The following LEPR variants were observed in gnomAD, a reference collection of about 807,000 sequenced individuals.
The protein encoded by LEPR is leptin receptor, also known as OB receptor.
LEPR carries 56 observed loss-of-function variants against 114.7 expected under a neutral mutation model. The observed-to-expected ratio is 0.49, with a 90% CI of 0.39 to 0.61. The LOEUF (loss-of-function observed/expected upper bound fraction) is 0.61. Ranked by LOEUF, LEPR falls within the 20% of genes least tolerant of loss-of-function variation. The pLI, the probability that LEPR is intolerant of heterozygous loss-of-function variation, is 0.00. For missense variants in LEPR, 1,202 were observed against 1,352.9 expected, an observed-to-expected ratio of 0.89 and a Z score of 1.75; for synonymous variants, 443 against 461.4, an observed-to-expected ratio of 0.96 and a Z score of 0.51.
chr1:65,453,881 G>A (rs1440983796), intron 2 of LEPR, among the ~76,000 whole-genome samples: 5 of 151,424 alleles, frequency 3.3e-5, no homozygotes, highest in Non-Finnish European at 7.4e-5. Context: ...TGACAGTGGG[G>A]TGTTAAAGTC....
At chr1:65,616,366 T>C in intron 15 of LEPR, 142 bp downstream of exon 15, 1 of 904,266 alleles carries the variant, frequency 1.1e-6, no homozygotes, top group South Asian at 1.6e-5. Context: ...TTCCTTTGTC[T>C]GGAAAAATAA....
intron 2 of LEPR, among the ~76,000 whole-genome samples, chr1:65,525,414 G>C (rs371882888): frequency 6.6e-6 from 1 of 152,114 alleles, no homozygotes; most frequent in African/African-American, 2.4e-5. Flanking sequence ...GCCTCCCTGC[G>C]GGCAGGGGTC....
At chr1:65,440,684 TGGAG>T (rs1461781111) in intron 2 of LEPR, among the ~76,000 whole-genome samples, 1 of 150,610 alleles carries the variant, frequency 6.6e-6, no homozygotes, top group East Asian at 2.0e-4. Context: ...TCAGGGAGAG[TGGAG>T]GGAGATAAGA....
chr1:65,623,843 C>T (rs974181516), intron 19 of LEPR, among the ~76,000 whole-genome samples: 7 of 152,254 alleles, frequency 4.6e-5, no homozygotes, highest in Middle Eastern at 3.4e-3. Flanking sequence ...CCTACCTATA[C>T]GACTTTTTCT....
chr1:65,592,347 A>G (rs1250377905), intron 5 of LEPR, among the ~76,000 whole-genome samples: 1 of 151,164 alleles, frequency 6.6e-6, no homozygotes, highest in Non-Finnish European at 1.5e-5. Flanking sequence ...ATGTCTGAAA[A>G]AAAAAGCCTT....
intron 14 of LEPR, 39 bp downstream of exon 14, chr1:65,610,335 T>C: frequency 3.3e-6 from 5 of 1,514,464 alleles, no homozygotes; most frequent in Non-Finnish European, 4.5e-6. Flanking sequence ...ATTGTATTTT[T>C]ATACTCTTAA....
At chr1:65,564,088 G>C (rs1173367236) in intron 2 of LEPR, among the ~76,000 whole-genome samples, 455 of 129,362 alleles carry the variant, frequency 3.5e-3, no homozygotes, top group African/African-American at 6.3e-3. Flanking sequence ...CCACCCAGTT[G>C]GAGCTTCCCG....
Position 65,467,827 on chromosome 1 carries a change from G to A in LEPR, c.-21+42449G>A, listed in dbSNP as rs572621584. Among the ~76,000 whole-genome samples, 9 of 152,354 alleles carry A rather than the reference G, an allele frequency of 5.9e-5. No individual in the cohort carries two copies. In the South Asian group the frequency reaches 1.7e-3, roughly 28 times the overall value. On this transcript the variant is annotated intron_variant, in intron 2 of 19. Transcript: ENST00000349533. ...ACTAGCAGTGAGCAAGGCTCCATGGGTGTGGGACCTGCTGAGCCAGGCACA... is the reference window on the plus strand; with the variant it reads ...ACTAGCAGTGAGCAAGGCTCCATGGATGTGGGACCTGCTGAGCCAGGCACA...
At chr1:65,577,811 CT>C (rs879736849) in intron 5 of LEPR, 55 of 144,354 alleles carry the variant, frequency 3.8e-4, no homozygotes, top group Non-Finnish European at 3.8e-4. Context: ...TGAGCACATT[CT>C]TTTTTTTTTT....
rs1009659803 is a variant in LEPR at position 65,613,645 on chromosome 1, C to G, written c.1996-2363C>G. Among the ~76,000 whole-genome samples the G allele has an allele frequency of 3.6e-4, 45 of 126,442 alleles. 7 individuals carry two copies. Among genetic ancestry groups the G allele is most frequent in the African/African-American group, 1.2e-3 (43 of 35,360 alleles). 83.0% of individuals were successfully genotyped at this position (126,442 alleles called of 152,430 possible). A position where few individuals can be genotyped will look rare whatever the true frequency, so the allele number is the denominator to read the frequency against. ...GCGGGCGCCTGTAGTCCCAGCTACT[C>G]GGGAGGCTGAGGCAGGAGAATGGCG... On this transcript the variant is annotated intron_variant, in intron 14 of 19. Coordinates refer to ENST00000349533, the MANE Select transcript of LEPR (RefSeq NM_002303.6).
chr1:65,556,698 G>A (rs1393310383), intron 2 of LEPR, among the ~76,000 whole-genome samples: 1 of 152,108 alleles, frequency 6.6e-6, no homozygotes, highest in Non-Finnish European at 1.5e-5. Flanking sequence ...TTTTGTGCAT[G>A]TTGGCATGGG....
chr1:65,637,163 G>A lies in LEPR; in HGVS notation c.*148G>A. 1.2e-5 allele frequency: 11 copies of A among 929,804 alleles called. No homozygotes were observed. Among genetic ancestry groups the A allele is most frequent in the Non-Finnish European group, 1.7e-5 (11 of 646,388 alleles). The allele number at this position is 929,804 out of a possible 1,614,324, so 57.6% of individuals were successfully genotyped here. A position where few individuals can be genotyped will look rare whatever the true frequency, so the allele number is the denominator to read the frequency against. On this transcript the variant is annotated 3_prime_UTR_variant, in exon 20 of 20. Coordinates refer to ENST00000349533, the MANE Select transcript of LEPR (RefSeq NM_002303.6). ...AATGTTGTCTGTTTGTTCTCTCTTA[G>A]TAACATAGACAAAAAATTTGAGAAA...
chr1:65,569,917 A>T (rs1570718314), intron 3 of LEPR, among the ~76,000 whole-genome samples: 4 of 151,346 alleles, frequency 2.6e-5, no homozygotes, highest in Admixed American at 2.6e-4. Flanking sequence ...TTGTATTTGG[A>T]GGATCATGGG....
intron 2 of LEPR, among the ~76,000 whole-genome samples, chr1:65,520,639 C>A (rs899278760): frequency 2.0e-5 from 3 of 150,680 alleles, no homozygotes; most frequent in Non-Finnish European, 4.4e-5. Flanking sequence ...AAGACACACA[C>A]ACAGAAATAT....
rs543206790 is a variant in LEPR at position 65,524,083 on chromosome 1, C to T, written c.-20-41463C>T. Among the ~76,000 whole-genome samples, 5 of 152,324 alleles carry T rather than the reference C, an allele frequency of 3.3e-5. No individual in the cohort carries two copies. In the East Asian group the frequency reaches 9.6e-4, roughly 29 times the overall value. Reference sequence around the variant, plus strand: ...TTGGGAGCCAGTACACACCTGCTGACACCTTGATTTTGGAATTTTAGTCTC... The same window carrying T: ...TTGGGAGCCAGTACACACCTGCTGATACCTTGATTTTGGAATTTTAGTCTC... On this transcript the variant is annotated intron_variant, in intron 2 of 19. Transcript: ENST00000349533.
At chr1:65,554,198 G>C (rs1652644444) in intron 2 of LEPR, among the ~76,000 whole-genome samples, 1 of 152,190 alleles carries the variant, frequency 6.6e-6, no homozygotes, top group South Asian at 2.1e-4. Context: ...GAACCCATTT[G>C]AGGAGGCAGC....
chr1:65,553,599 CT>C (rs770857801), intron 2 of LEPR, among the ~76,000 whole-genome samples: 1 of 152,044 alleles, frequency 6.6e-6, no homozygotes, highest in Non-Finnish European at 1.5e-5. Context: ...ACTGGTTTTT[CT>C]AGTTCGCAAT....
chr1:65,590,258 T>TGGCCGGGCGTGGTGGCTCACGCCTG (rs1553168837), intron 5 of LEPR, among the ~76,000 whole-genome samples: 1 of 147,150 alleles, frequency 6.8e-6, no homozygotes, highest in Non-Finnish European at 1.5e-5. Context: ...TTATTCATAT[T>TGGCCGGGCGTGGTGGCTCACGCCTG]TCCTTATTAT....
rs1246238288 is a variant in LEPR at position 65,617,976 on chromosome 1, A to T, written c.2225A>T (p.Gln742Leu). 1.2e-6 allele frequency: 2 copies of T among 1,609,148 alleles called. No individual in the cohort carries two copies. Among genetic ancestry groups the T allele is most frequent in the African/African-American group, 2.7e-5 (2 of 74,868 alleles). The change falls in exon 16 of 20, where the codon CAG becomes CTG. Residue 742 changes from glutamine to leucine, a missense_variant. Gln to Leu is a moderately radical substitution (Grantham distance 113). Coordinates refer to ENST00000349533, the MANE Select transcript of LEPR (RefSeq NM_002303.6). ...CTTTTCCCCTCAGTAAATATCGTGC[A>T]GTCACTCAGTGCTTATCCTTTAAAC... Reference protein sequence around the residue: ...SWPMSKVNIVQSLSAYPLNSS... With the variant: ...SWPMSKVNIVLSLSAYPLNSS...
Sources: allele counts gnomAD v4.1 joint callset (sites outside exome capture counted in the v4.1 genomes callset), GRCh38; gene constraint gnomAD v4.1.1; transcripts MANE v1.5; gene names NCBI Gene and HGNC (gene_info 2026-07-23, HGNC 2026-07-21).